ESPNL: variants seen among roughly 807,000 people sequenced by gnomAD.
The protein encoded by ESPNL is espin like, also known as espin-like protein.
ESPNL carries 49 observed loss-of-function variants against 46.8 expected under a neutral mutation model. The observed-to-expected ratio is 1.05, with a 90% CI of 0.83 to 1.33. The LOEUF (loss-of-function observed/expected upper bound fraction) is 1.33. Among genes scored for constraint, ESPNL ranks in the 40% most tolerant of loss-of-function variants. The pLI, the probability that ESPNL is intolerant of heterozygous loss-of-function variation, is 0.00. For synonymous variants in ESPNL, 664 were observed against 662.1 expected (o/e 1.00, Z -0.04); for missense variants, 1,540 against 1,436.6 (o/e 1.07, Z -1.16).
At chr2:238,128,373 C>T (rs529008354) in intron 7 of ESPNL, among the ~76,000 whole-genome samples, 28 of 152,334 alleles carry the variant, frequency 1.8e-4, no homozygotes, top group African/African-American at 6.5e-4. Context: ...TGTAGCTGTG[C>T]CCAGAGCAAG....
intron 5 of ESPNL, among the ~76,000 whole-genome samples, chr2:238,125,039 C>G (rs903735493): frequency 6.6e-6 from 1 of 152,088 alleles, no homozygotes. Flanking sequence ...TGAAAGTGGG[C>G]GGGGAACCAA....
intron 5 of ESPNL, among the ~76,000 whole-genome samples, chr2:238,124,128 C>G (rs913872245): frequency 6.6e-6 from 1 of 152,216 alleles, no homozygotes; most frequent in Admixed American, 6.5e-5. Flanking sequence ...TGGGTCCCTC[C>G]CCCTCCCACG....
chr2:238,124,334 G>A (rs774242546), intron 5 of ESPNL, among the ~76,000 whole-genome samples: 5 of 152,214 alleles, frequency 3.3e-5, no homozygotes, highest in African/African-American at 4.8e-5. Context: ...GGTGGCATGC[G>A]GCCCTGCTGG....
chr2:238,108,175 G>A (rs1390586981), intron 4 of ESPNL, among the ~76,000 whole-genome samples: 13 of 152,180 alleles, frequency 8.5e-5, no homozygotes, highest in Admixed American at 5.9e-4. Flanking sequence ...CTATGCTCTC[G>A]TCCTGCGTAC....
rs1559263912 is a variant in ESPNL at position 238,119,398 on chromosome 2, G to GCGA, written c.987+2364_987+2365insCGA. 8.3e-3 allele frequency among the ~76,000 whole-genome samples: 891 copies of GCGA among 107,144 alleles called. 12 individuals are homozygous for GCGA. The highest frequency in any genetic ancestry group is 0.013 in the African/African-American group (320 of 24,956). 70.3% of individuals were successfully genotyped at this position (107,144 alleles called of 152,430 possible). On this transcript the variant is annotated intron_variant, in intron 5 of 8. Coordinates refer to ENST00000343063, the MANE Select transcript of ESPNL (RefSeq NM_194312.4). ...ATGAAGGAGTTGGATGCAGGAGGTG[G>GCGA]ATGGAGGAGGTGGATGGAGGAGGGT...
intron 1 of ESPNL, 30 bp from the exon 2 acceptor site, chr2:238,101,911 C>T (rs753872173): frequency 4.5e-6 from 7 of 1,566,406 alleles, no homozygotes; most frequent in Non-Finnish European, 4.3e-6. Context: ...GGCCTACCCC[C>T]CACTCACTGA....
chr2:238,130,906 C>A lies in ESPNL; in HGVS notation c.2192C>A (p.Pro731Gln). The A allele has an allele frequency of 6.5e-7, 1 of 1,546,864 alleles. No individual in the cohort carries two copies. The highest frequency in any genetic ancestry group is 1.2e-5 in the South Asian group (1 of 84,230). ...TCAGAGGCGGGTGCCGCAGCCGGCC[C>A]AGACCTGGCCAGCCTGCGCAAGGAG... ...VPSEAGAAAG[P>Q]DLASLRKERI... Residue 731 changes from proline to glutamine, a missense_variant, in exon 9 of 9, where the codon CCA (proline) becomes CAA (glutamine). By Grantham distance (76) the Pro-to-Gln change is moderately conservative (BLOSUM62 -1). Coordinates refer to ENST00000343063, the MANE Select transcript of ESPNL (RefSeq NM_194312.4).
intron 3 of ESPNL, 130 bp from the exon 4 acceptor site, chr2:238,107,661 T>A: frequency 1.1e-6 from 1 of 940,626 alleles, no homozygotes; most frequent in Non-Finnish European, 1.6e-6. Context: ...TGTCCGGGGT[T>A]TCCTGAGGTT....
chr2:238,128,468 C>T (rs985402759), intron 7 of ESPNL, among the ~76,000 whole-genome samples: 1 of 152,162 alleles, frequency 6.6e-6, no homozygotes, highest in Non-Finnish European at 1.5e-5. Context: ...CATTTCTCTG[C>T]CGACAATCCC....
Position 238,131,676 on chromosome 2 carries a change from C to T in ESPNL, c.2962C>T (p.Arg988Cys), listed in dbSNP as rs367575891. ...NGEDICGYINRSFAFWKEKEA... is the reference protein window; with the variant it reads ...NGEDICGYINCSFAFWKEKEA... ...TGAGGACATCTGCGGCTACATCAAC[C>T]GCAGCTTTGCCTTCTGGAAGGAGAA... Residue 988 changes from arginine (R) to cysteine (C), a missense_variant, in exon 9 of 9, where the codon CGC (arginine) becomes TGC (cysteine). Arg to Cys is a radical substitution (Grantham distance 180). Coordinates refer to ENST00000343063, the MANE Select transcript of ESPNL (RefSeq NM_194312.4). 1.8e-5 allele frequency: 29 copies of T among 1,599,782 alleles called. No individual in the cohort carries two copies. The highest frequency in any genetic ancestry group is 3.3e-4 in the Middle Eastern group (2 of 6,052).
chr2:238,110,976 G>A (rs1330199314), intron 4 of ESPNL, among the ~76,000 whole-genome samples: 5 of 123,802 alleles, frequency 4.0e-5, no homozygotes, highest in Admixed American at 9.1e-5. Flanking sequence ...TTTTTGAGAC[G>A]GAGTCTCACT....
At chr2:238,104,925 C>A in intron 3 of ESPNL, 83 bp downstream of exon 3, 1 of 1,247,130 alleles carries the variant, frequency 8.0e-7, no homozygotes, top group Non-Finnish European at 1.1e-6. Context: ...TGGATGGGGG[C>A]TCCAGAGGGA....
intron 4 of ESPNL, among the ~76,000 whole-genome samples, chr2:238,110,163 G>A (rs56340612): frequency 9.1e-4 from 58 of 63,422 alleles, no homozygotes; most frequent in South Asian, 2.9e-3. Context: ...CCCATTTAGG[G>A]TGCCATATGT....
chr2:238,106,054 CT>C (rs1297271701), intron 3 of ESPNL, among the ~76,000 whole-genome samples: 1 of 152,224 alleles, frequency 6.6e-6, no homozygotes, highest in Non-Finnish European at 1.5e-5. Context: ...ATCCTCACTC[CT>C]GCTTTCCTCC....
Position 238,131,308 on chromosome 2 carries a change from T to A in ESPNL, c.2594T>A (p.Leu865Gln), listed in dbSNP as rs1692327901. The A allele has an allele frequency of 1.3e-6, 2 of 1,583,952 alleles. No homozygotes were observed. Among genetic ancestry groups the A allele is most frequent in the East Asian group, 2.3e-5 (1 of 43,462 alleles). The change falls in exon 9 of 9, where the codon CTG becomes CAG. Residue 865 changes from leucine (L) to glutamine (Q), a missense_variant. Leu to Gln is a moderately radical substitution (Grantham distance 113). Transcript: ENST00000343063. ...LDLFMLGYFQ[L>Q]LECDLPAEER... ...CTCTTCATGCTGGGTTACTTCCAGC[T>A]GCTGGAGTGCGACCTGCCGGCGGAG...
intron 8 of ESPNL, among the ~76,000 whole-genome samples, chr2:238,129,698 G>T (rs542832169): frequency 1.3e-5 from 2 of 152,372 alleles, no homozygotes; most frequent in African/African-American, 4.8e-5. Context: ...GCCCAGCGCT[G>T]TGTCCAGCGC....
chr2:238,103,365 G>A (rs1427256628), intron 2 of ESPNL, among the ~76,000 whole-genome samples: 3 of 152,296 alleles, frequency 2.0e-5, no homozygotes, highest in Non-Finnish European at 4.4e-5. Context: ...GGAGGCGGAG[G>A]TTGCAGTAAG....
rs895316923 is a variant in ESPNL, at chr2:238,133,148, C to T, written c.*1416C>T. 2.6e-5 allele frequency: 4 copies of T among 152,228 alleles called. No homozygotes were observed. Among genetic ancestry groups the T allele is most frequent in the African/African-American group, 4.8e-5 (2 of 41,444 alleles). The allele number at this position is 152,228 out of a possible 1,614,324, so 9.4% of individuals were successfully genotyped here. A position where few individuals can be genotyped will look rare whatever the true frequency, so the allele number is the denominator to read the frequency against. ...GGCCGGGAAGGGAAGTAGCACCGGC[C>T]GCAGCCCCAAGCCAGTGGCTTTTCC... On this transcript the variant is annotated 3_prime_UTR_variant, in exon 9 of 9. Transcript: ENST00000343063.
intron 3 of ESPNL, among the ~76,000 whole-genome samples, chr2:238,107,498 C>T (rs560693898): frequency 8.6e-4 from 126 of 147,228 alleles, no homozygotes; most frequent in Non-Finnish European, 7.4e-4. Flanking sequence ...CATGTTTACT[C>T]TTCCCTAGGT....
Sources: gnomAD v4.1 joint callset for allele counts (sites outside exome capture counted in the v4.1 genomes callset) on GRCh38, gnomAD v4.1.1 for gene constraint, MANE v1.5 for transcripts, NCBI Gene and HGNC (gene_info 2026-07-23, HGNC 2026-07-21) for gene names.